Variants in SNAP23 observed in about 807,000 individuals in gnomAD.
SNAP23 encodes the protein synaptosomal-associated protein 23.
SNAP23 carries 11 observed loss-of-function variants against 29.0 expected under a neutral mutation model. That is an observed-to-expected ratio of 0.38 (90% CI 0.24 to 0.63). The LOEUF (loss-of-function observed/expected upper bound fraction) is 0.63, where lower values mean the gene tolerates loss of function less well. Ranked by LOEUF, SNAP23 falls within the 20% of genes least tolerant of loss-of-function variation. The probability of loss-of-function intolerance (pLI) is 0.58; values close to 1 mark genes in which losing one functional copy is unlikely to be tolerated. For missense variants in SNAP23, 220 were observed against 253.9 expected, an observed-to-expected ratio of 0.87 and a Z score of 0.91; for synonymous variants, 60 against 82.9, an observed-to-expected ratio of 0.72 and a Z score of 1.50.
upstream of SNAP23, among the ~76,000 whole-genome samples, chr15:42,492,559 T>C (rs1267815354): frequency 6.6e-6 from 1 of 150,736 alleles, no homozygotes; most frequent in Admixed American, 6.7e-5. Context: ...GTGCCTGTAG[T>C]CCCAGCTACT....
chr15:42,513,306 T>C, intron 3 of SNAP23, 93 bp from the exon 4 acceptor site: 1 of 1,164,426 alleles, frequency 8.6e-7, no homozygotes, highest in Non-Finnish European at 1.3e-6. Flanking sequence ...AGAGCTTGGG[T>C]TTCTAAATTA....
At chr15:42,494,458 A>C (rs2057198719), upstream of SNAP23, among the ~76,000 whole-genome samples, 1 of 147,560 alleles carries the variant, frequency 6.8e-6, no homozygotes, top group Admixed American at 6.8e-5. Context: ...TTATGATAGT[A>C]ATGTAGCTGG....
At chr15:42,502,541 A>AAATG (rs2057281630) in intron 1 of SNAP23, among the ~76,000 whole-genome samples, 1 of 152,102 alleles carries the variant, frequency 6.6e-6, no homozygotes, top group Admixed American at 6.6e-5. Flanking sequence ...ATAAATAAAT[A>AAATG]AAGCATCTAA....
chr15:42,514,700 C>CT (rs869134157), intron 4 of SNAP23, among the ~76,000 whole-genome samples: 1,866 of 115,102 alleles, frequency 0.016, 34 homozygotes, highest in African/African-American at 0.032. Flanking sequence ...ATACAAGATT[C>CT]TTTTTTTTTT....
rs558225693 is a variant in SNAP23, at chr15:42,513,384, C to T, written c.100-15C>T. On this transcript the variant is annotated splice_polypyrimidine_tract_variant and intron_variant, in intron 3 of 7. Coordinates refer to ENST00000249647, the MANE Select transcript of SNAP23 (RefSeq NM_003825.4). ...TTGTTTTGTTGTACTATCAGCTTTTCCCCCCTTGTCTTAGTCTCAGGATGC... is the reference window on the plus strand; with the variant it reads ...TTGTTTTGTTGTACTATCAGCTTTTTCCCCCTTGTCTTAGTCTCAGGATGC... 1.9e-6 allele frequency: 3 copies of T among 1,611,052 alleles called. No homozygotes were observed. The highest frequency in any genetic ancestry group is 2.2e-5 in the South Asian group (2 of 91,022).
Position 42,531,435 on chromosome 15 carries a change from T to C in SNAP23, c.593T>C (p.Ile198Thr), listed in dbSNP as rs1483535748. 3.1e-6 allele frequency: 5 copies of C among 1,594,080 alleles called. No homozygotes were observed. Among genetic ancestry groups the C allele is most frequent in the Non-Finnish European group, 2.6e-6 (3 of 1,172,172 alleles). The change falls in exon 8 of 8, where the codon ATT becomes ACT. Residue 198 changes from isoleucine to threonine, a missense_variant. By Grantham distance (89) the Ile-to-Thr change is moderately conservative (BLOSUM62 -1). Transcript: ENST00000249647. ...TDKADTNRDR[I>T]DIANARAKKL... ...CAGGCTGACACCAACAGAGATCGTA[T>C]TGATATTGCCAATGCCAGAGCAAAG...
intron 5 of SNAP23, among the ~76,000 whole-genome samples, chr15:42,519,046 TTTC>T (rs1188432894): frequency 3.5e-4 from 50 of 144,692 alleles, no homozygotes; most frequent in African/African-American, 4.2e-4. Flanking sequence ...AAAACTTTTG[TTTC>T]TTCTTCTTTT....
chr15:42,498,374 C>T (rs1418718425), intron 1 of SNAP23, among the ~76,000 whole-genome samples: 6 of 152,202 alleles, frequency 3.9e-5, no homozygotes, highest in Admixed American at 3.9e-4. Context: ...AACCTCAATT[C>T]TTGACTTCTG....
intron 1 of SNAP23, among the ~76,000 whole-genome samples, chr15:42,503,614 C>T (rs1193846367): frequency 1.3e-5 from 2 of 152,118 alleles, no homozygotes; most frequent in Admixed American, 6.5e-5. Context: ...AAGTGATCTG[C>T]CCTCCTCAGC....
At chr15:42,509,730 G>A (rs1245656794) in intron 1 of SNAP23, among the ~76,000 whole-genome samples, 2 of 152,054 alleles carry the variant, frequency 1.3e-5, no homozygotes, top group African/African-American at 2.4e-5. Context: ...GAGCCACTGC[G>A]CCTGGCCCTC....
chr15:42,518,616 A>G (rs2057417820), intron 5 of SNAP23, among the ~76,000 whole-genome samples: 1 of 151,772 alleles, frequency 6.6e-6, no homozygotes, highest in Admixed American at 6.6e-5. Context: ...ACAAGGTTTC[A>G]CCATGTTGGC....
intron 1 of SNAP23, among the ~76,000 whole-genome samples, chr15:42,508,834 C>T (rs984471081): frequency 6.6e-6 from 1 of 152,142 alleles, no homozygotes; most frequent in African/African-American, 2.4e-5. Context: ...TTTGGGCTTC[C>T]TTACCCCAGA....
upstream of SNAP23, chr15:42,495,606 T>C (rs570617375): frequency 2.0e-5 from 3 of 152,364 alleles, no homozygotes; most frequent in Admixed American, 1.3e-4. Flanking sequence ...GAACGGGAAG[T>C]GAGCAGGCGC....
At chr15:42,505,106 T>C in intron 1 of SNAP23, 1 of 150,536 alleles carries the variant, frequency 6.6e-6, no homozygotes, top group African/African-American at 2.5e-5. Context: ...TGATTTTTTT[T>C]TTCTTTTTTT....
intron 1 of SNAP23, among the ~76,000 whole-genome samples, chr15:42,510,015 G>GTC (rs951635258): frequency 2.6e-5 from 4 of 152,132 alleles, no homozygotes; most frequent in African/African-American, 9.7e-5. Context: ...GGTGCAGTGA[G>GTC]TCAGGGTTAC....
intron 5 of SNAP23, among the ~76,000 whole-genome samples, chr15:42,522,842 C>CTTTT (rs5812226): frequency 0.016 from 1,433 of 91,000 alleles, 85 homozygotes; most frequent in African/African-American, 0.025. Context: ...TAAAACTTGC[C>CTTTT]TTTTTTTTTT....
chr15:42,521,243 A>G (rs2057446709), intron 5 of SNAP23, among the ~76,000 whole-genome samples: 1 of 152,186 alleles, frequency 6.6e-6, no homozygotes, highest in African/African-American at 2.4e-5. Flanking sequence ...TTACAATGAA[A>G]AAATATATAA....
chr15:42,523,800 TTTG>T (rs1412826314), intron 5 of SNAP23, among the ~76,000 whole-genome samples: 1 of 151,210 alleles, frequency 6.6e-6, no homozygotes, highest in Non-Finnish European at 1.5e-5. Context: ...TTTTTTGTTT[TTTG>T]TTTTTTGTTT....
chr15:42,497,685 A>G (rs1212576962), intron 1 of SNAP23, among the ~76,000 whole-genome samples: 3 of 152,174 alleles, frequency 2.0e-5, no homozygotes, highest in South Asian at 2.1e-4. Context: ...AGTTCAAAAC[A>G]CAATCATGCC....
Sources: allele counts gnomAD v4.1 joint callset (sites outside exome capture counted in the v4.1 genomes callset), GRCh38; gene constraint gnomAD v4.1.1; transcripts MANE v1.5; gene names NCBI Gene and HGNC (gene_info 2026-07-23, HGNC 2026-07-21).